The following UNC13C variants were observed in gnomAD, a reference collection of about 807,000 sequenced individuals.
UNC13C encodes the protein unc-13 homolog C.
UNC13C carries 174 observed loss-of-function variants against 245.4 expected under a neutral mutation model. The ratio of observed to expected loss-of-function variants is 0.71; its 90% CI spans 0.63 to 0.80. The LOEUF is 0.80. Among genes scored for constraint, UNC13C ranks in the 30% least tolerant of loss-of-function variants. The pLI is 0.00. For synonymous variants in UNC13C, 992 were observed against 895.1 expected (o/e 1.11, Z -1.93); for missense variants, 2,829 against 2,602.9 (o/e 1.09, Z -1.89).
chr15:54,618,908 G>A (rs560802575), intron 30 of UNC13C, among the ~76,000 whole-genome samples: 46 of 152,134 alleles, frequency 3.0e-4, no homozygotes, highest in African/African-American at 1.1e-3. Context: ...AAGACATTTT[G>A]TCAAAAAACA....
At chr15:53,973,641 CTG>C (rs1333776625), upstream of UNC13C, among the ~76,000 whole-genome samples, 1 of 151,408 alleles carries the variant, frequency 6.6e-6, no homozygotes, top group Non-Finnish European at 1.5e-5. Context: ...CATCCAAATG[CTG>C]TGTCTTTTAA....
intron 19 of UNC13C, among the ~76,000 whole-genome samples, chr15:54,423,378 A>G (rs748391596): frequency 6.6e-6 from 1 of 151,880 alleles, no homozygotes; most frequent in Non-Finnish European, 1.5e-5. Flanking sequence ...TTTTAGATAT[A>G]TTCAGATATA....
At chr15:54,550,614 C>A (rs1357999551) in intron 28 of UNC13C, among the ~76,000 whole-genome samples, 1 of 152,094 alleles carries the variant, frequency 6.6e-6, no homozygotes, top group Non-Finnish European at 1.5e-5. Context: ...ATTTTATCAT[C>A]CACATTATCC....
the UNC13C span, among the ~76,000 whole-genome samples, chr15:53,869,869 G>A: frequency 6.6e-6 from 1 of 152,190 alleles, no homozygotes; most frequent in Admixed American, 6.5e-5. Context: ...TTGATCAAAG[G>A]TTGGTCTTGG....
At chr15:53,904,362 C>T in the UNC13C span, among the ~76,000 whole-genome samples, 1 of 151,948 alleles carries the variant, frequency 6.6e-6, no homozygotes, top group Non-Finnish European at 1.5e-5. Context: ...CATTATAAAG[C>T]ATACTAATTT....
At chr15:54,181,805 T>G (rs12101398) in intron 4 of UNC13C, among the ~76,000 whole-genome samples, 21,570 of 151,866 alleles carry the variant, frequency 0.14, 2,865 homozygotes, top group African/African-American at 0.34. Context: ...TTTTAAATGG[T>G]ATTGCACTCT....
At position 54,013,144 on chromosome 15, in the gene UNC13C, G is replaced by A. The variant is rs755928094; in HGVS notation, c.241G>A (p.Glu81Lys). ...STHNLSTEED[E>K]ASKEFSLSPT... is the part of the protein sequence containing the mutation. ...TCACAACTTATCCACTGAGGAAGAC[G>A]AGGCCAGTAAAGAGTTTTCCCTCTC... Residue 81 changes from glutamate to lysine, a missense_variant, in exon 2 of 33, where the codon GAG becomes AAG. Coordinates refer to ENST00000260323, the MANE Select transcript of UNC13C (RefSeq NM_001080534.3). The A allele has an allele frequency of 7.4e-6, 12 of 1,613,716 alleles. No individual in the cohort carries two copies. The highest frequency in any genetic ancestry group is 1.3e-5 in the African/African-American group (1 of 74,908).
intron 4 of UNC13C, among the ~76,000 whole-genome samples, chr15:54,213,583 C>T (rs79020363): frequency 0.054 from 8,170 of 152,072 alleles, 273 homozygotes; most frequent in East Asian, 0.1. Context: ...GAAATTACCC[C>T]TCTGGGTACA....
intron 30 of UNC13C, among the ~76,000 whole-genome samples, chr15:54,584,418 G>C (rs1047624605): frequency 6.6e-6 from 1 of 152,134 alleles, no homozygotes; most frequent in Non-Finnish European, 1.5e-5. Context: ...AGCCGAAAAG[G>C]CAAGGTAACT....
rs1214290316 is a variant in UNC13C at position 54,012,778 on chromosome 15, C to T, written c.-126C>T. 1.4e-5 allele frequency: 10 copies of T among 728,674 alleles called. No homozygotes were observed. The highest frequency in any genetic ancestry group is 3.6e-5 in the African/African-American group (2 of 56,210). The allele number at this position is 728,674 out of a possible 1,614,324, so 45.1% of individuals were successfully genotyped here. A position where few individuals can be genotyped will look rare whatever the true frequency, so the allele number is the denominator to read the frequency against. On this transcript the variant is annotated 5_prime_UTR_variant, in exon 2 of 33. Transcript: ENST00000260323. ...CGACAATGTGGCAGAGCCATGCCTG[C>T]CCTTCCTGCTCTTTCCAGTGATTCA...
At chr15:54,269,854 A>G (rs2036639899) in intron 10 of UNC13C, among the ~76,000 whole-genome samples, 1 of 152,184 alleles carries the variant, frequency 6.6e-6, no homozygotes, top group Non-Finnish European at 1.5e-5. Context: ...TGTATTTTTT[A>G]AACATCATTT....
At chr15:54,480,932 G>C (rs76483129) in intron 19 of UNC13C, among the ~76,000 whole-genome samples, 2,286 of 152,286 alleles carry the variant, frequency 0.015, 48 homozygotes, top group African/African-American at 0.051. Flanking sequence ...CAGCAGAGGG[G>C]ATGTCAGCAG....
At chr15:54,077,998 C>G (rs1898729249) in intron 2 of UNC13C, among the ~76,000 whole-genome samples, 1 of 152,110 alleles carries the variant, frequency 6.6e-6, no homozygotes, top group African/African-American at 2.4e-5. Context: ...ATTGGAGTCC[C>G]CAGTGTCTAT....
At chr15:54,205,955 A>C (rs1477783286) in intron 4 of UNC13C, among the ~76,000 whole-genome samples, 1 of 152,040 alleles carries the variant, frequency 6.6e-6, no homozygotes, top group Admixed American at 6.6e-5. Context: ...CTAAGCACAC[A>C]TTTCTCTAGC....
chr15:54,057,716 G>A (rs1313473325), intron 2 of UNC13C, among the ~76,000 whole-genome samples: 1 of 152,102 alleles, frequency 6.6e-6, no homozygotes, highest in Non-Finnish European at 1.5e-5. Context: ...TGGAAGTAAA[G>A]CACTCCTCAG....
chr15:54,626,265 G>T (rs573797369), intron 32 of UNC13C, among the ~76,000 whole-genome samples: 4 of 151,038 alleles, frequency 2.6e-5, no homozygotes, highest in Non-Finnish European at 5.9e-5. Context: ...GGAAAGAATC[G>T]GCATTGAATC....
chr15:54,015,537 T>C lies in UNC13C; in HGVS notation c.2634T>C (p.Tyr878=), dbSNP rs755460315. 1.2e-6 allele frequency: 2 copies of C among 1,613,590 alleles called. No homozygotes were observed. The highest frequency in any genetic ancestry group is 3.3e-5 in the Admixed American group (2 of 59,986). ...TEPVADNETD[Y]VEVMEQVLAK... is the part of the protein sequence containing the mutation. ...CAGTGGCTGACAATGAAACAGATTA[T>C]GTTGAAGTCATGGAACAAGTCCTTG... The change falls in exon 2 of 33, where the codon TAT becomes TAC. Residue 878 remains tyrosine (Y), a synonymous_variant. Coordinates refer to ENST00000260323, the MANE Select transcript of UNC13C (RefSeq NM_001080534.3).
intron 2 of UNC13C, among the ~76,000 whole-genome samples, chr15:54,039,141 T>C (rs769717969): frequency 6.6e-6 from 1 of 152,222 alleles, no homozygotes; most frequent in Non-Finnish European, 1.5e-5. Context: ...TTATATAACA[T>C]TTCTGTCCAG....
intron 19 of UNC13C, among the ~76,000 whole-genome samples, chr15:54,436,027 C>G (rs968012570): frequency 6.6e-6 from 1 of 151,970 alleles, no homozygotes; most frequent in Non-Finnish European, 1.5e-5. Flanking sequence ...ATAAAAACCA[C>G]AATGAGATTC....
Sources: gnomAD v4.1 joint callset for allele counts (sites outside exome capture counted in the v4.1 genomes callset) on GRCh38, gnomAD v4.1.1 for gene constraint, MANE v1.5 for transcripts, NCBI Gene and HGNC (gene_info 2026-07-23, HGNC 2026-07-21) for gene names.